Variants in DNAH1 observed in about 807,000 individuals in gnomAD.
The protein encoded by DNAH1 is dynein axonemal heavy chain 1, also known as axonemal beta dynein heavy chain 1.
Under a neutral mutation model 484.3 loss-of-function variants are expected in DNAH1, and 327 were observed. That is an observed-to-expected ratio of 0.68 (90% CI 0.62 to 0.74). The LOEUF (loss-of-function observed/expected upper bound fraction) is 0.74, where lower values mean the gene tolerates loss of function less well. Among genes scored for constraint, DNAH1 ranks in the 30% least tolerant of loss-of-function variants. The probability of loss-of-function intolerance (pLI) is 0.00; values close to 1 mark genes in which losing one functional copy is unlikely to be tolerated. For synonymous variants in DNAH1, 2,192 were observed against 2,191.9 expected (o/e 1.00, Z 0.00); for missense variants, 5,052 against 5,546.8 (o/e 0.91, Z 2.83).
intron 2 of DNAH1, among the ~76,000 whole-genome samples, chr3:52,323,018 G>A (rs1387407159): frequency 6.6e-6 from 1 of 152,176 alleles, no homozygotes; most frequent in African/African-American, 2.4e-5. Context: ...CCTGCTGTGT[G>A]CCAGGCCCTG....
intron 56 of DNAH1, 107 bp downstream of exon 56, chr3:52,386,960 A>C: frequency 8.3e-7 from 1 of 1,199,564 alleles, no homozygotes; most frequent in Non-Finnish European, 1.1e-6. Context: ...CTGCATGTGC[A>C]GTGGCCTCTG....
At chr3:52,333,812 T>G (rs747280108) in intron 8 of DNAH1, among the ~76,000 whole-genome samples, 1 of 152,176 alleles carries the variant, frequency 6.6e-6, no homozygotes, top group Non-Finnish European at 1.5e-5. Flanking sequence ...TTTCAAGAGA[T>G]TTTAAACACT....
intron 77 of DNAH1, 22 bp downstream of exon 77, chr3:52,399,801 C>A: frequency 6.2e-7 from 1 of 1,608,966 alleles, no homozygotes; most frequent in Non-Finnish European, 8.5e-7. Context: ...GGGATGGGAG[C>A]CTACACTATG....
At chr3:52,360,660 G>A (rs1702816569) in intron 28 of DNAH1, among the ~76,000 whole-genome samples, 1 of 152,208 alleles carries the variant, frequency 6.6e-6, no homozygotes, top group Non-Finnish European at 1.5e-5. Context: ...CCTCACGGTG[G>A]TAATGAGAAT....
At chr3:52,329,271 T>G (rs1277997416) in intron 6 of DNAH1, among the ~76,000 whole-genome samples, 1 of 152,138 alleles carries the variant, frequency 6.6e-6, no homozygotes, top group African/African-American at 2.4e-5. Flanking sequence ...AGGGAGAGGC[T>G]CTGCTGGGGA....
At chr3:52,374,624 C>T (rs1703503388) in intron 44 of DNAH1, 1 of 1,491,946 alleles carries the variant, frequency 6.7e-7, no homozygotes, top group South Asian at 1.1e-5. Flanking sequence ...ATGAATACAT[C>T]ATGAGTTTAA....
rs777798291 is a variant in DNAH1 at position 52,365,010 on chromosome 3, G to A, written c.5509G>A (p.Asp1837Asn). ...GGCCTGCAGGAACAGCAACCTCAAG[G>A]ATGTGGAGGGTGAGCCTCGGGCCCT... ...REACRNSNLKDVEGFLTKCIQ... is the reference protein window; with the variant it reads ...REACRNSNLKNVEGFLTKCIQ... Residue 1837 changes from aspartate (D) to asparagine (N), a missense_variant, in exon 34 of 78, where the codon GAT (aspartate) becomes AAT (asparagine). Physicochemically the swap from Asp to Asn is conservative, Grantham distance 23. This residue lies in a region of DNAH1 where 2,929 missense variants were observed against 3,409.4 expected (regional missense o/e 0.86). Coordinates refer to ENST00000420323, the MANE Select transcript of DNAH1 (RefSeq NM_015512.5). 3.1e-6 allele frequency: 5 copies of A among 1,609,180 alleles called. No individual in the cohort carries two copies. The South Asian group carries it at 3.3e-5, about 11-fold the overall frequency.
Position 52,355,544 on chromosome 3 carries a change from C to CT in DNAH1, c.3693+490dup, listed in dbSNP as rs1228962869. ...CTGCACTTGTCTTGGGCTCTCAAGG[C>CT]TAGAGGCAAGGGCTGCCCACAGAGC... On this transcript the variant is annotated intron_variant, in intron 21 of 77. Transcript: ENST00000420323. The surrounding 1 kb of genome is among the most constrained non-coding windows in gnomAD (Gnocchi z 4.5). Among the ~76,000 whole-genome samples the CT allele has an allele frequency of 6.6e-6, 1 of 152,264 alleles. No homozygotes were observed. The highest frequency in any genetic ancestry group is 6.5e-5 in the Admixed American group (1 of 15,288).
rs780569669 is a variant in DNAH1, at chr3:52,395,416, G to A, written c.11077G>A (p.Glu3693Lys). 37 of 1,613,798 alleles carry A rather than the reference G, an allele frequency of 2.3e-5. No homozygotes were observed. The highest frequency in any genetic ancestry group is 3.3e-5 in the Admixed American group (2 of 59,998). The change falls in exon 69 of 78, where the codon GAA becomes AAA. Residue 3693 changes from glutamate (E) to lysine (K), a missense_variant. Glu to Lys is a moderately conservative substitution (Grantham distance 56). Coordinates refer to ENST00000420323, the MANE Select transcript of DNAH1 (RefSeq NM_015512.5). This position sits in a 1 kb window ranked among gnomAD's most constrained non-coding sequence, Gnocchi z 4.4. Reference sequence around the variant, plus strand: ...TGCCGACCTCTACAAGTTTGCCGAAGAAATGAAGTTCTCCAAAAAGCTCTC... The same window carrying A: ...TGCCGACCTCTACAAGTTTGCCGAAAAAATGAAGTTCTCCAAAAAGCTCTC... ...PAADLYKFAE[E>K]MKFSKKLSAI...
intron 64 of DNAH1, 48 bp downstream of exon 64, chr3:52,392,737 TG>T: frequency 8.1e-7 from 1 of 1,232,348 alleles, no homozygotes; most frequent in South Asian, 1.3e-5. Context: ...GCCCCGGGCC[TG>T]CCCCCCACCT....
At chr3:52,343,180 G>C (rs1017626480) in intron 8 of DNAH1, among the ~76,000 whole-genome samples, 1 of 152,182 alleles carries the variant, frequency 6.6e-6, no homozygotes, top group Non-Finnish European at 1.5e-5. Context: ...ATGAGGATGG[G>C]AAGAAGTGAG....
At chr3:52,330,207 T>C (rs1701493124) in intron 6 of DNAH1, among the ~76,000 whole-genome samples, 1 of 152,196 alleles carries the variant, frequency 6.6e-6, no homozygotes, top group Non-Finnish European at 1.5e-5. Context: ...ACCTGCAAGG[T>C]ACTAGTTTCC....
In DNAH1 at chr3:52,355,042, T is replaced by C. The variant is rs374180661; in HGVS notation, c.3680T>C (p.Leu1227Pro). The C allele has an allele frequency of 2.8e-5, 45 of 1,613,530 alleles. No homozygotes were observed. Among genetic ancestry groups the C allele is most frequent in the Non-Finnish European group, 3.6e-5 (43 of 1,179,882 alleles). The part of the protein sequence containing the change: ...EQRINSWENK[L>P]KLTQEVLEEW... Reference sequence around the variant, plus strand: ...CGCATCAACTCCTGGGAGAACAAACTGAAGCTGACCCAGGTCGGCCCTCCC... The same window carrying C: ...CGCATCAACTCCTGGGAGAACAAACCGAAGCTGACCCAGGTCGGCCCTCCC... Residue 1227 changes from leucine (L) to proline (P), a missense_variant, in exon 21 of 78, where the codon CTG (leucine) becomes CCG (proline). By Grantham distance (98) the Leu-to-Pro change is moderately conservative. Transcript: ENST00000420323. The surrounding 1 kb of genome is among the most constrained non-coding windows in gnomAD (Gnocchi z 4.5).
chr3:52,323,535 C>T (rs961740304), intron 2 of DNAH1, among the ~76,000 whole-genome samples: 5 of 152,168 alleles, frequency 3.3e-5, no homozygotes, highest in African/African-American at 7.2e-5. Context: ...GGCTCAGCCC[C>T]GGGATGCACT....
chr3:52,400,241 T>A, intron 77 of DNAH1, 84 bp from the exon 78 acceptor site: 1 of 1,567,876 alleles, frequency 6.4e-7, no homozygotes. Flanking sequence ...CTCAGCTTAG[T>A]CTGCCCACTG....
In DNAH1 at chr3:52,381,857, C is replaced by G; in HGVS notation, c.7805+21C>G. 1 of 1,557,684 alleles carries G rather than the reference C, an allele frequency of 6.4e-7. No homozygotes were observed. The highest frequency in any genetic ancestry group is 8.7e-7 in the Non-Finnish European group (1 of 1,150,328). ...CACATGTGAGCGCCTCCAGGGCGTG[C>G]TGGGCAGTGGGCGGCCAGGGCTGGC... On this transcript the variant is annotated intron_variant, in intron 49 of 77. Transcript: ENST00000420323. The surrounding 1 kb of genome is among the most constrained non-coding windows in gnomAD (Gnocchi z 4.1).
In DNAH1 at chr3:52,349,438, C is replaced by T; in HGVS notation, c.2526+18C>T. On this transcript the variant is annotated intron_variant, in intron 14 of 77. Transcript: ENST00000420323. ...TGGATAGCGTAAGTGCCCACCTGCC[C>T]CGCCTCAGTGACCACAGCAGCACAC... 1 of 1,608,656 alleles carries T rather than the reference C, an allele frequency of 6.2e-7. No homozygotes were observed. Among genetic ancestry groups the T allele is most frequent in the Non-Finnish European group, 8.5e-7 (1 of 1,175,626 alleles).
At chr3:52,371,565 C>G (rs1703339120) in intron 41 of DNAH1, among the ~76,000 whole-genome samples, 1 of 152,230 alleles carries the variant, frequency 6.6e-6, no homozygotes, top group East Asian at 1.9e-4. Flanking sequence ...GGTTCTGGCC[C>G]CCACATTTCT....
In DNAH1 at chr3:52,379,590, CAG is replaced by C. The variant is rs879865769; in HGVS notation, c.7378-314_7378-313del. On this transcript the variant is annotated intron_variant, in intron 47 of 77. Transcript: ENST00000420323. This position sits in a 1 kb window ranked among gnomAD's most constrained non-coding sequence, Gnocchi z 4.4. ...CCCAGGTTTGGGGTTAGGGGAGCGA[CAG>C]GGGGCTAAAAGGTGGAAGTGAGGTG... Among the ~76,000 whole-genome samples, 2 of 152,224 alleles carry C rather than the reference CAG, an allele frequency of 1.3e-5. No individual in the cohort carries two copies. Among genetic ancestry groups the C allele is most frequent in the Admixed American group, 6.5e-5 (1 of 15,288 alleles).
Sources: allele counts gnomAD v4.1 joint callset (sites outside exome capture counted in the v4.1 genomes callset), GRCh38; gene constraint gnomAD v4.1.1; regional missense constraint gnomAD v4.1.1; non-coding constraint Gnocchi (gnomAD v3.1); transcripts MANE v1.5; gene names NCBI Gene and HGNC (gene_info 2026-07-23, HGNC 2026-07-21).